The following UNC13C variants were observed in gnomAD, a reference collection of about 807,000 sequenced individuals.
The protein encoded by UNC13C is unc-13 homolog C, also known as protein unc-13 homolog C.
UNC13C carries 174 observed loss-of-function variants against 245.4 expected under a neutral mutation model. The ratio of observed to expected loss-of-function variants is 0.71; its 90% CI spans 0.63 to 0.80. The LOEUF is 0.80. Ranked by LOEUF, UNC13C falls within the 30% of genes least tolerant of loss-of-function variation. The probability of loss-of-function intolerance (pLI) is 0.00; values close to 1 mark genes in which losing one functional copy is unlikely to be tolerated. For missense variants in UNC13C, 2,829 were observed against 2,602.9 expected, an observed-to-expected ratio of 1.09 and a Z score of -1.89; for synonymous variants, 992 against 895.1, an observed-to-expected ratio of 1.11 and a Z score of -1.93.
chr15:54,616,393 T>C (rs111949043), intron 30 of UNC13C, among the ~76,000 whole-genome samples: 1 of 111,412 alleles, frequency 9.0e-6, no homozygotes, highest in South Asian at 2.5e-4. Context: ...ACACCACACA[T>C]GTTTGTGGTA....
At chr15:54,192,644 T>G (rs532552134) in intron 4 of UNC13C, among the ~76,000 whole-genome samples, 8 of 152,264 alleles carry the variant, frequency 5.3e-5, no homozygotes, top group Non-Finnish European at 1.0e-4. Flanking sequence ...ACATATCTTT[T>G]TCATCATTCC....
At chr15:54,061,757 C>G (rs1323833369) in intron 2 of UNC13C, among the ~76,000 whole-genome samples, 1 of 152,072 alleles carries the variant, frequency 6.6e-6, no homozygotes, top group African/African-American at 2.4e-5. Flanking sequence ...TGTATGCAGC[C>G]TGATAATGGC....
intron 2 of UNC13C, among the ~76,000 whole-genome samples, chr15:54,113,857 A>C (rs1298930134): frequency 6.6e-6 from 1 of 152,148 alleles, no homozygotes; most frequent in Non-Finnish European, 1.5e-5. Flanking sequence ...AAAACCTTTA[A>C]GTTTACATAG....
intron 23 of UNC13C, among the ~76,000 whole-genome samples, chr15:54,510,744 T>G (rs1262147791): frequency 6.6e-6 from 1 of 152,108 alleles, no homozygotes. Flanking sequence ...TGACTCTGGT[T>G]ATTGGGTTAT....
intron 4 of UNC13C, among the ~76,000 whole-genome samples, chr15:54,222,706 C>G (rs2035261429): frequency 6.6e-6 from 1 of 152,066 alleles, no homozygotes; most frequent in African/African-American, 2.4e-5. Flanking sequence ...TACAATCCCA[C>G]CATCAGTGAA....
chr15:54,171,172 C>G (rs1000297122), intron 4 of UNC13C, among the ~76,000 whole-genome samples: 4 of 152,022 alleles, frequency 2.6e-5, no homozygotes, highest in African/African-American at 4.8e-5. Context: ...CCCTAGGTTG[C>G]GAGCACTCAC....
intron 19 of UNC13C, among the ~76,000 whole-genome samples, chr15:54,484,427 A>G (rs1282225045): frequency 6.6e-6 from 1 of 152,244 alleles, no homozygotes; most frequent in Non-Finnish European, 1.5e-5. Context: ...TCCAGATGTT[A>G]TTTTAAAACC....
intron 2 of UNC13C, among the ~76,000 whole-genome samples, chr15:54,046,199 C>T (rs1341351309): frequency 6.6e-6 from 1 of 152,110 alleles, no homozygotes; most frequent in East Asian, 1.9e-4. Context: ...TGTCTAATAA[C>T]TTACCACAAC....
At chr15:54,267,435 G>C (rs1313262655) in intron 10 of UNC13C, among the ~76,000 whole-genome samples, 1 of 151,958 alleles carries the variant, frequency 6.6e-6, no homozygotes, top group East Asian at 1.9e-4. Flanking sequence ...ATTAACTATG[G>C]TATTAGCTGT....
chr15:54,228,712 G>T (rs145648954), intron 4 of UNC13C, among the ~76,000 whole-genome samples: 1 of 152,242 alleles, frequency 6.6e-6, no homozygotes, highest in Non-Finnish European at 1.5e-5. Flanking sequence ...CTATGGCTGT[G>T]CTGGGTTCCA....
intron 7 of UNC13C, among the ~76,000 whole-genome samples, chr15:54,246,280 G>A (rs141514156): frequency 6.6e-6 from 1 of 152,228 alleles, no homozygotes; most frequent in African/African-American, 2.4e-5. Context: ...TAGTCTATAT[G>A]TTGTGCTTGC....
chr15:53,842,022 C>T, the UNC13C span, among the ~76,000 whole-genome samples: 41,614 of 152,002 alleles, frequency 0.27, 6,855 homozygotes, highest in Non-Finnish European at 0.37. Context: ...ATGTTGATGT[C>T]TTTTTAAATA....
chr15:54,542,457 G>A (rs1370498770), intron 26 of UNC13C, among the ~76,000 whole-genome samples: 1 of 152,176 alleles, frequency 6.6e-6, no homozygotes, highest in Non-Finnish European at 1.5e-5. Flanking sequence ...ATGTGGTGCT[G>A]AGAAGAATGT....
In UNC13C at chr15:54,293,955, T is replaced by G. The variant is rs2140936398; in HGVS notation, c.3879T>G (p.Ile1293Met). 1 of 1,591,694 alleles carries G rather than the reference T, an allele frequency of 6.3e-7. No homozygotes were observed. Among genetic ancestry groups the G allele is most frequent in the East Asian group, 2.3e-5 (1 of 42,840 alleles). ...GAGTATGGGATGAAGATGATGATAT[T>G]AAATCCAGAGTCAAGCAACATTTCA... ...KVRVWDEDDD[I>M]KSRVKQHFKK... The change falls in exon 11 of 33, where the codon ATT (isoleucine) becomes ATG (methionine). Residue 1293 changes from isoleucine to methionine, a missense_variant. Transcript: ENST00000260323.
At chr15:54,000,818 C>G (rs1566940410) in intron 1 of UNC13C, among the ~76,000 whole-genome samples, 1 of 152,168 alleles carries the variant, frequency 6.6e-6, no homozygotes, top group Non-Finnish European at 1.5e-5. Flanking sequence ...ATAAATTAGA[C>G]TTGTGGACAT....
rs1376045536 is a variant in UNC13C, at chr15:54,154,711, G to A, written c.3071+11027G>A. Among the ~76,000 whole-genome samples, 3 of 152,282 alleles carry A rather than the reference G, an allele frequency of 2.0e-5. No homozygotes were observed. The East Asian group carries it at 5.8e-4, about 29-fold the overall frequency. ...TGTTCAGGGAACCATGCTGACAGAGGCTTTGCCTTCATACACGCTGAATCT... is the reference window on the plus strand; with the variant it reads ...TGTTCAGGGAACCATGCTGACAGAGACTTTGCCTTCATACACGCTGAATCT... On this transcript the variant is annotated intron_variant, in intron 4 of 32. Coordinates refer to ENST00000260323, the MANE Select transcript of UNC13C (RefSeq NM_001080534.3).
downstream of UNC13C, chr15:54,628,929 T>TGAGTA (rs1422871291): frequency 6.9e-6 from 1 of 144,720 alleles, no homozygotes; most frequent in African/African-American, 2.9e-5. Context: ...ATCCCATTAC[T>TGAGTA]GAGTACACAG....
At chr15:54,555,533 T>C (rs746111107) in intron 29 of UNC13C, 21 bp downstream of exon 29, 5 of 1,588,576 alleles carry the variant, frequency 3.1e-6, no homozygotes, top group Middle Eastern at 1.7e-4. Flanking sequence ...AATGCTCCTA[T>C]ATATACATCG....
intron 17 of UNC13C, among the ~76,000 whole-genome samples, chr15:54,345,893 C>T (rs887764947): frequency 6.6e-6 from 1 of 152,168 alleles, no homozygotes; most frequent in Non-Finnish European, 1.5e-5. Context: ...CATTAAACTC[C>T]ATGGTGACTT....
Sources: gnomAD v4.1 joint callset for allele counts (sites outside exome capture counted in the v4.1 genomes callset) on GRCh38, gnomAD v4.1.1 for gene constraint, MANE v1.5 for transcripts, NCBI Gene and HGNC (gene_info 2026-07-23, HGNC 2026-07-21) for gene names.